Variants in PON2 observed in about 807,000 individuals in gnomAD.
PON2 encodes the protein serum paraoxonase/arylesterase 2.
PON2 carries 27 observed loss-of-function variants against 36.6 expected under a neutral mutation model. The ratio of observed to expected loss-of-function variants is 0.74; its 90% confidence interval spans 0.54 to 1.02. The LOEUF (loss-of-function observed/expected upper bound fraction) is 1.02, where lower values mean the gene tolerates loss of function less well. Among genes scored for constraint, PON2 ranks in the 50% least tolerant of loss-of-function variants. The probability of loss-of-function intolerance (pLI) is 0.00; values close to 1 mark genes in which losing one functional copy is unlikely to be tolerated. For missense variants in PON2, 363 were observed against 421.1 expected (o/e 0.86, Z 1.21); for synonymous variants, 149 against 156.3 (o/e 0.95, Z 0.35).
chr7:95,404,895 C>T lies in PON2; in HGVS notation c.*435G>A, dbSNP rs932845497. On this transcript the variant is annotated 3_prime_UTR_variant, in exon 9 of 9. Transcript: ENST00000222572. Reference sequence around the variant, plus strand: ...TAGTTAGTCTTTAATATAACTCCAACTTTTTAATGGTAAACAAAGATGTAA... The same window carrying T: ...TAGTTAGTCTTTAATATAACTCCAATTTTTTAATGGTAAACAAAGATGTAA... 5.4e-5 allele frequency: 9 copies of T among 167,024 alleles called. No individual in the cohort carries two copies. The highest frequency in any genetic ancestry group is 2.3e-4 in the Admixed American group (4 of 17,592). The allele number at this position is 167,024 out of a possible 1,614,324, so 10.3% of individuals were successfully genotyped here.
At chr7:95,406,313 A>T in intron 7 of PON2, 66 bp from the exon 8 acceptor site, 1 of 1,518,120 alleles carries the variant, frequency 6.6e-7, no homozygotes, top group Non-Finnish European at 9.1e-7. Context: ...TTTAGAGGTA[A>T]CCTTCCTGCC....
Position 95,405,390 on chromosome 7 carries a change from C to A in PON2, c.1005G>T (p.Val335=). The A allele has an allele frequency of 6.2e-7, 1 of 1,613,986 alleles. No homozygotes were observed. Among genetic ancestry groups the A allele is most frequent in the Non-Finnish European group, 8.5e-7 (1 of 1,179,872 alleles). The part of the protein sequence containing the change: ...SVLQGSSVAS[V]YDGKLLIGTL... ...TGCCTATGAGCAGCTTCCCATCATA[C>A]ACTGAGGCTACAGAACTTCCTTGGA... is the stretch of plus-strand genomic sequence containing the variant. The change falls in exon 9 of 9, where the codon GTG becomes GTT. Residue 335 remains valine, a synonymous_variant. Coordinates refer to ENST00000222572, the MANE Select transcript of PON2 (RefSeq NM_000305.3).
At chr7:95,428,484 A>G (rs912197201) in intron 1 of PON2, among the ~76,000 whole-genome samples, 16 of 152,154 alleles carry the variant, frequency 1.1e-4, no homozygotes, top group Non-Finnish European at 2.2e-4. Context: ...ACAAACCACA[A>G]TACTATTAGT....
At chr7:95,412,187 G>A in intron 4 of PON2, 125 bp downstream of exon 4, 1 of 1,294,408 alleles carries the variant, frequency 7.7e-7, no homozygotes, top group East Asian at 2.4e-5. Context: ...TTGTAATGAA[G>A]AATACAGAAA....
At chr7:95,432,701 T>C (rs1789471143) in intron 1 of PON2, among the ~76,000 whole-genome samples, 1 of 152,182 alleles carries the variant, frequency 6.6e-6, no homozygotes, top group East Asian at 1.9e-4. Context: ...GTCATCCAAC[T>C]CATGAATGTT....
At chr7:95,411,895 G>A (rs1396201780) in intron 4 of PON2, 116 bp from the exon 5 acceptor site, 3 of 1,045,596 alleles carry the variant, frequency 2.9e-6, no homozygotes, top group Admixed American at 1.8e-5. Context: ...GCTGTTAGAC[G>A]ACCTAACAGA....
chr7:95,433,513 CTA>C (rs1789490232), intron 1 of PON2, among the ~76,000 whole-genome samples: 1 of 152,172 alleles, frequency 6.6e-6, no homozygotes, highest in African/African-American at 2.4e-5. Flanking sequence ...AGGCTTATCT[CTA>C]TAAAACACAA....
chr7:95,430,106 G>A (rs1237554366), intron 1 of PON2, among the ~76,000 whole-genome samples: 1 of 152,118 alleles, frequency 6.6e-6, no homozygotes, highest in Non-Finnish European at 1.5e-5. Context: ...ATGAAGACTG[G>A]ATGAAGGCAT....
At chr7:95,428,907 G>A (rs1336281214) in intron 1 of PON2, among the ~76,000 whole-genome samples, 2 of 152,134 alleles carry the variant, frequency 1.3e-5, no homozygotes, top group Non-Finnish European at 2.9e-5. Flanking sequence ...GTCCCACTGT[G>A]GAGCAGGCAG....
chr7:95,416,944 T>C (rs1789077421), intron 2 of PON2, among the ~76,000 whole-genome samples: 2 of 152,192 alleles, frequency 1.3e-5, no homozygotes, highest in Admixed American at 6.5e-5. Flanking sequence ...ACAATTACTA[T>C]TGATTGTTTA....
chr7:95,425,702 C>A (rs1233893328), intron 1 of PON2, among the ~76,000 whole-genome samples: 1 of 152,070 alleles, frequency 6.6e-6, no homozygotes, highest in Admixed American at 6.5e-5. Flanking sequence ...CTAGATAACC[C>A]AGAATGACTC....
intron 2 of PON2, among the ~76,000 whole-genome samples, chr7:95,419,957 T>C (rs1372822242): frequency 6.6e-6 from 1 of 152,194 alleles, no homozygotes; most frequent in Non-Finnish European, 1.5e-5. Context: ...CTATACCCAA[T>C]AGAGCATCCC....
intron 2 of PON2, among the ~76,000 whole-genome samples, chr7:95,423,170 A>T (rs1030138855): frequency 1.3e-5 from 2 of 151,812 alleles, no homozygotes; most frequent in African/African-American, 4.8e-5. Flanking sequence ...CAAAAATAAA[A>T]AACTAGCCAT....
chr7:95,406,447 T>C (rs1165843999), intron 7 of PON2, among the ~76,000 whole-genome samples, 200 bp from the exon 8 acceptor site: 1 of 152,204 alleles, frequency 6.6e-6, no homozygotes, highest in Non-Finnish European at 1.5e-5. Flanking sequence ...TTAAGAAAGT[T>C]AGGGTGATAA....
chr7:95,410,886 AT>A (rs200191428), intron 5 of PON2, among the ~76,000 whole-genome samples: 1 of 151,164 alleles, frequency 6.6e-6, no homozygotes, highest in East Asian at 1.9e-4. Flanking sequence ...TTATGCTCCT[AT>A]TTTTTTTTAT....
Position 95,406,124 on chromosome 7 carries a change from A to G in PON2, c.901T>C (p.Ser301Pro), listed in dbSNP as rs369200346. ...AAAACTGAAAATATAAAAACCTCTGACGAGGGAGGATTGTTCGGGTCATAC... is the reference window on the plus strand; with the variant it reads ...AAAACTGAAAATATAAAAACCTCTGGCGAGGGAGGATTGTTCGGGTCATAC... Reference protein sequence around the residue: ...FVYDPNNPPSSEVLRIQNILS... With the variant: ...FVYDPNNPPSPEVLRIQNILS... The change falls in exon 8 of 9, where the codon TCA becomes CCA. Residue 301 changes from serine (S) to proline (P), a missense_variant. Physicochemically the swap from Ser to Pro is moderately conservative, Grantham distance 74. Coordinates refer to ENST00000222572, the MANE Select transcript of PON2 (RefSeq NM_000305.3). 6.2e-7 allele frequency: 1 copy of G among 1,613,584 alleles called. No homozygotes were observed. The highest frequency in any genetic ancestry group is 1.3e-5 in the African/African-American group (1 of 74,896).
intron 5 of PON2, 114 bp from the exon 6 acceptor site, chr7:95,410,215 A>G (rs2116459283): frequency 1.1e-6 from 1 of 871,040 alleles, no homozygotes; most frequent in Non-Finnish European, 1.8e-6. Context: ...TGGTAAGAGG[A>G]AAAGACGAGC....
intron 7 of PON2, among the ~76,000 whole-genome samples, 161 bp downstream of exon 7, chr7:95,406,826 G>A (rs1001741908): frequency 2.6e-5 from 4 of 152,086 alleles, no homozygotes; most frequent in African/African-American, 7.2e-5. Flanking sequence ...TCTTGAGATC[G>A]CTGGAAACAG....
chr7:95,423,707 G>A lies in PON2; in HGVS notation c.145+808C>T, dbSNP rs536245738. Among the ~76,000 whole-genome samples the A allele has an allele frequency of 6.5e-4, 99 of 152,196 alleles. 1 individual carries two copies. Among genetic ancestry groups the A allele is most frequent in the African/African-American group, 2.3e-3 (94 of 41,524 alleles). ...TTTACAATACATATTGTGAAGTGCC[G>A]GTACATCAGTCCGTTCTCAGGCTGC... On this transcript the variant is annotated intron_variant, in intron 2 of 8. Coordinates refer to ENST00000222572, the MANE Select transcript of PON2 (RefSeq NM_000305.3).
Sources: allele counts gnomAD v4.1 joint callset (sites outside exome capture counted in the v4.1 genomes callset), GRCh38; gene constraint gnomAD v4.1.1; transcripts MANE v1.5; gene names NCBI Gene and HGNC (gene_info 2026-07-23, HGNC 2026-07-21).